THAP4: variants seen among roughly 807,000 people sequenced by gnomAD.
THAP4 encodes the protein peroxynitrite isomerase THAP4.
A neutral mutation model predicts 48.1 loss-of-function variants in THAP4; 18 were observed. The ratio of observed to expected loss-of-function variants is 0.37; its 90% CI spans 0.26 to 0.56. THAP4 has a LOEUF of 0.56. THAP4 is among the 20% of genes least tolerant of loss of function. The pLI, the probability that THAP4 is intolerant of heterozygous loss-of-function variation, is 0.78. For synonymous variants in THAP4, 345 were observed against 324.9 expected (o/e 1.06, Z -0.66); for missense variants, 656 against 774.9 (o/e 0.85, Z 1.82).
At chr2:241,620,924 T>C (rs1467736845) in intron 2 of THAP4, among the ~76,000 whole-genome samples, 4 of 151,978 alleles carry the variant, frequency 2.6e-5, no homozygotes, top group Non-Finnish European at 5.9e-5. Context: ...TGATATTTCA[T>C]GTCTACTTTG....
At chr2:241,628,625 AAC>A (rs1377548539) in intron 2 of THAP4, among the ~76,000 whole-genome samples, 3 of 150,036 alleles carry the variant, frequency 2.0e-5, no homozygotes, top group Admixed American at 2.0e-4. Flanking sequence ...GGACTGCCAC[AAC>A]AGTCACCAGC....
intron 2 of THAP4, among the ~76,000 whole-genome samples, chr2:241,623,108 C>G (rs1023991074): frequency 1.3e-5 from 2 of 152,046 alleles, no homozygotes; most frequent in Admixed American, 6.6e-5. Context: ...CCCAGCTACT[C>G]AGGAGGCTAA....
At chr2:241,617,001 G>A (rs1023064939) in intron 2 of THAP4, among the ~76,000 whole-genome samples, 4 of 152,302 alleles carry the variant, frequency 2.6e-5, no homozygotes, top group South Asian at 2.1e-4. Flanking sequence ...CGCGTGGAAC[G>A]TGGCAGCAGC....
Position 241,590,159 on chromosome 2 carries a change from C to T in THAP4, c.1615-5434G>A, listed in dbSNP as rs1422718080. On this transcript the variant is annotated intron_variant, in intron 5 of 5. Transcript: ENST00000407315. Reference sequence around the variant, plus strand: ...GCTGCTCGGCTGATGATAATGGGCACTAGGACACTCAGCTGCCCGGCTGAT... The same window carrying T: ...GCTGCTCGGCTGATGATAATGGGCATTAGGACACTCAGCTGCCCGGCTGAT... 5.8e-5 allele frequency among the ~76,000 whole-genome samples: 8 copies of T among 137,892 alleles called. No homozygotes were observed. In the Admixed American group the frequency reaches 6.1e-4, roughly 11 times the overall value. 90.5% of individuals were successfully genotyped at this position (137,892 alleles called of 152,430 possible).
Position 241,584,629 on chromosome 2 carries a change from T to C in THAP4, c.1711A>G (p.Thr571Ala). ...GTTTACGGGGTCACCTTCTTGTAGGTGACGTGAAGATGCTGAGTCATTGGC... is the reference window on the plus strand; with the variant it reads ...GTTTACGGGGTCACCTTCTTGTAGGCGACGTGAAGATGCTGAGTCATTGGC... ...TQPMTQHLHV[T>A]YKKVTP The change falls in exon 6 of 6, where the codon ACC becomes GCC. Residue 571 changes from threonine to alanine, a missense_variant. This residue lies in a region of THAP4 where 176 missense variants were observed against 256.7 expected (regional missense o/e 0.69). Coordinates refer to ENST00000407315, the MANE Select transcript of THAP4 (RefSeq NM_015963.6). 6.2e-7 allele frequency: 1 copy of C among 1,614,148 alleles called. No individual in the cohort carries two copies. The highest frequency in any genetic ancestry group is 8.5e-7 in the Non-Finnish European group (1 of 1,180,012).
At chr2:241,600,644 C>T (rs971934584) in intron 5 of THAP4, among the ~76,000 whole-genome samples, 5 of 148,070 alleles carry the variant, frequency 3.4e-5, no homozygotes, top group Admixed American at 1.4e-4. Context: ...AGGAGAATGG[C>T]GTGAACCCAG....
At chr2:241,619,662 GGTGA>G (rs1346651547) in intron 2 of THAP4, among the ~76,000 whole-genome samples, 9 of 152,346 alleles carry the variant, frequency 5.9e-5, no homozygotes, top group African/African-American at 2.2e-4. Flanking sequence ...TGGGTGAGTT[GGTGA>G]GTAAGTTGGT....
chr2:241,636,590 C>T (rs2067662509), intron 1 of THAP4, among the ~76,000 whole-genome samples: 1 of 152,246 alleles, frequency 6.6e-6, no homozygotes, highest in Non-Finnish European at 1.5e-5. Flanking sequence ...TCGCAGACAT[C>T]CAGGCCGACG....
Position 241,600,133 on chromosome 2 carries a change from C to T in THAP4, c.1614+1763G>A, listed in dbSNP as rs188431385. Among the ~76,000 whole-genome samples the T allele has an allele frequency of 4.6e-5, 7 of 151,886 alleles. No homozygotes were observed. The East Asian group carries it at 1.2e-3, about 25-fold the overall frequency. On this transcript the variant is annotated intron_variant, in intron 5 of 5. Transcript: ENST00000407315. Reference sequence around the variant, plus strand: ...ATCACCTGAACCCGAGAGGTGGAGGCTACAGTGAGCTGAGATTGTGCCACT... The same window carrying T: ...ATCACCTGAACCCGAGAGGTGGAGGTTACAGTGAGCTGAGATTGTGCCACT...
At chr2:241,614,396 G>A (rs767367803) in intron 2 of THAP4, among the ~76,000 whole-genome samples, 11 of 152,060 alleles carry the variant, frequency 7.2e-5, no homozygotes, top group Non-Finnish European at 1.0e-4. Flanking sequence ...TAACCGTGAG[G>A]GATACTCATG....
At chr2:241,630,802 G>A (rs974464142) in intron 2 of THAP4, among the ~76,000 whole-genome samples, 18 of 150,546 alleles carry the variant, frequency 1.2e-4, no homozygotes, top group African/African-American at 3.4e-4. Flanking sequence ...AAAAAATTCC[G>A]AGAGAAGGCC....
rs1475909057 is a variant in THAP4, at chr2:241,633,632, T to C, written c.525A>G (p.Pro175=). ...EQAQQALERT[P]GDGLATMVAG... ...CCACCATGGTGGCCAGTCCATCTCCTGGAGTCCGTTCCAGAGCTTGCTGGG... is the reference window on the plus strand; with the variant it reads ...CCACCATGGTGGCCAGTCCATCTCCCGGAGTCCGTTCCAGAGCTTGCTGGG... Residue 175 remains proline (P), a synonymous_variant, in exon 2 of 6, where the codon CCA becomes CCG. Coordinates refer to ENST00000407315, the MANE Select transcript of THAP4 (RefSeq NM_015963.6). The surrounding 1 kb of genome is among the most constrained non-coding windows in gnomAD (Gnocchi z 7.5). 1 of 1,612,970 alleles carries C rather than the reference T, an allele frequency of 6.2e-7. No homozygotes were observed. The highest frequency in any genetic ancestry group is 1.1e-5 in the South Asian group (1 of 91,088).
upstream of THAP4, chr2:241,637,513 C>T (rs1219864903): frequency 4.2e-6 from 6 of 1,438,776 alleles, no homozygotes; most frequent in Non-Finnish European, 5.4e-6. Flanking sequence ...GACCCCATGC[C>T]GCCCGCAGGG....
chr2:241,617,874 T>C (rs1202699313), intron 2 of THAP4, among the ~76,000 whole-genome samples: 1 of 152,178 alleles, frequency 6.6e-6, no homozygotes, highest in Admixed American at 6.5e-5. Flanking sequence ...CACCTGGACA[T>C]GGAGGCTCCA....
intron 2 of THAP4, among the ~76,000 whole-genome samples, chr2:241,613,979 C>A (rs1258292633): frequency 6.6e-6 from 1 of 151,938 alleles, no homozygotes; most frequent in African/African-American, 2.4e-5. Context: ...TAGTGAAACC[C>A]CATCTCTACC....
chr2:241,617,964 C>T (rs994930709), intron 2 of THAP4, among the ~76,000 whole-genome samples: 3 of 152,220 alleles, frequency 2.0e-5, no homozygotes, highest in East Asian at 3.8e-4. Context: ...GACCTGGGGA[C>T]GGCTCCTTCC....
intron 2 of THAP4, among the ~76,000 whole-genome samples, chr2:241,608,897 GA>G (rs1474820766): frequency 1.3e-5 from 2 of 152,256 alleles, no homozygotes; most frequent in Non-Finnish European, 2.9e-5. Flanking sequence ...AGCTACCCTG[GA>G]GAAGAGCAGA....
chr2:241,633,220 T>C lies in THAP4; in HGVS notation c.937A>G (p.Thr313Ala), dbSNP rs2067589743. The C allele has an allele frequency of 6.2e-7, 1 of 1,609,258 alleles. No homozygotes were observed. The highest frequency in any genetic ancestry group is 8.5e-7 in the Non-Finnish European group (1 of 1,177,458). Reference sequence around the variant, plus strand: ...CTGTGCTCGCTCTGCACGGCTTCCGTGGCTGGCTTTGGGGTGACGTCGGCA... The same window carrying C: ...CTGTGCTCGCTCTGCACGGCTTCCGCGGCTGGCTTTGGGGTGACGTCGGCA... ...PPADVTPKPA[T>A]EAVQSEHSDA... Residue 313 changes from threonine (T) to alanine (A), a missense_variant, in exon 2 of 6, where the codon ACG (threonine) becomes GCG (alanine). Thr to Ala is a moderately conservative substitution (Grantham distance 58). Around this residue, in one of 4 missense-constraint regions of THAP4, gnomAD observed 391 missense variants for 412.4 expected, o/e 0.95. Transcript: ENST00000407315. This position sits in a 1 kb window ranked among gnomAD's most constrained non-coding sequence, Gnocchi z 7.5.
At chr2:241,634,463 G>A (rs942529031) in intron 1 of THAP4, among the ~76,000 whole-genome samples, 1 of 152,154 alleles carries the variant, frequency 6.6e-6, no homozygotes, top group African/African-American at 2.4e-5. Context: ...CAACTTGCCT[G>A]GAAGGTAGGA....
Sources: allele counts gnomAD v4.1 joint callset (sites outside exome capture counted in the v4.1 genomes callset), GRCh38; gene constraint gnomAD v4.1.1; regional missense constraint gnomAD v4.1.1; non-coding constraint Gnocchi (gnomAD v3.1); transcripts MANE v1.5; gene names NCBI Gene and HGNC (gene_info 2026-07-23, HGNC 2026-07-21).